The following GNG7 variants were observed in gnomAD, a reference collection of about 807,000 sequenced individuals.
The protein encoded by GNG7 is guanine nucleotide-binding protein G(I)/G(S)/G(O) subunit gamma-7.
Under a neutral mutation model 4.0 loss-of-function variants are expected in GNG7, and 1 was observed. That is an observed-to-expected ratio of 0.25 (90% CI 0.09 to 1.18). The LOEUF is 1.18. GNG7 is among the 50% of genes most tolerant of loss of function. The pLI, the probability that GNG7 is intolerant of heterozygous loss-of-function variation, is 0.50. For synonymous variants in GNG7, 34 were observed against 36.9 expected (o/e 0.92, Z 0.29); for missense variants, 86 against 91.9 (o/e 0.94, Z 0.26).
chr19:2,651,245 TTTCCTTCCTTCCTTCC>T (rs1229197006), intron 1 of GNG7, among the ~76,000 whole-genome samples: 3 of 87,108 alleles, frequency 3.4e-5, no homozygotes, highest in Non-Finnish European at 7.4e-5. Context: ...CCTTCCTTCC[TTTCCTTCCTTCCTTCC>T]TTCCTTCCTT....
At chr19:2,605,610 C>T (rs4806869) in intron 2 of GNG7, among the ~76,000 whole-genome samples, 134,881 of 147,132 alleles carry the variant, frequency 0.92, 62,037 homozygotes, top group African/African-American at 0.98. Context: ...GCCTCCTCAG[C>T]TGAAGTGATT....
intron 2 of GNG7, among the ~76,000 whole-genome samples, chr19:2,627,391 C>T (rs550698913): frequency 1.3e-5 from 2 of 152,224 alleles, no homozygotes; most frequent in Non-Finnish European, 1.5e-5. Context: ...CCAGGGGCAC[C>T]CAGAGTGGGG....
rs1030861411 is a variant in GNG7, at chr19:2,653,495, C to A, written c.-134-7215G>T. ...GCTGGGGGGCCCCCCTGGTTTATAC[C>A]GTCTTCCCCATCAGGAGTTTATCCT... is the stretch of plus-strand genomic sequence containing the variant. On this transcript the variant is annotated intron_variant, in intron 1 of 4. Coordinates refer to ENST00000382159, the MANE Select transcript of GNG7 (RefSeq NM_052847.3). The surrounding 1 kb of genome is among the most constrained non-coding windows in gnomAD (Gnocchi z 4.8). 6.6e-6 allele frequency among the ~76,000 whole-genome samples: 1 copy of A among 152,184 alleles called. No individual in the cohort carries two copies. Among genetic ancestry groups the A allele is most frequent in the Non-Finnish European group, 1.5e-5 (1 of 68,026 alleles).
chr19:2,574,495 G>A (rs1346694873), intron 2 of GNG7, among the ~76,000 whole-genome samples: 1 of 152,184 alleles, frequency 6.6e-6, no homozygotes, highest in Non-Finnish European at 1.5e-5. Flanking sequence ...GTCCTTTTGT[G>A]TCTGGATCCT....
chr19:2,549,438 C>T (rs1478400855), intron 3 of GNG7, among the ~76,000 whole-genome samples: 1 of 151,966 alleles, frequency 6.6e-6, no homozygotes, highest in East Asian at 1.9e-4. Context: ...TTACAGGCGC[C>T]CGCCACCGCA....
At chr19:2,577,675 T>G (rs1450189932) in intron 2 of GNG7, among the ~76,000 whole-genome samples, 2 of 128,256 alleles carry the variant, frequency 1.6e-5, no homozygotes, top group African/African-American at 6.1e-5. Flanking sequence ...CACTCCAGCC[T>G]GGGTGACAGA....
At chr19:2,575,606 C>T (rs373858873) in intron 2 of GNG7, among the ~76,000 whole-genome samples, 32 of 142,084 alleles carry the variant, frequency 2.3e-4, no homozygotes, top group African/African-American at 7.1e-4. Flanking sequence ...CGCAGGCACA[C>T]GCAGGCACAC....
chr19:2,647,257 C>T (rs145020052), intron 1 of GNG7, among the ~76,000 whole-genome samples: 258 of 152,340 alleles, frequency 1.7e-3, no homozygotes, highest in Non-Finnish European at 3.0e-3. Context: ...CCCATAGGAA[C>T]GTGGGTGCTG....
intron 1 of GNG7, among the ~76,000 whole-genome samples, chr19:2,647,725 A>G (rs1293623193): frequency 2.6e-5 from 4 of 151,682 alleles, no homozygotes; most frequent in African/African-American, 9.7e-5. Context: ...CTGAGAAAAA[A>G]TAAAAATAAA....
At chr19:2,554,392 G>A (rs1054130569) in intron 3 of GNG7, among the ~76,000 whole-genome samples, 2 of 149,334 alleles carry the variant, frequency 1.3e-5, no homozygotes, top group Non-Finnish European at 3.0e-5. Flanking sequence ...CACCTAGGCT[G>A]GAGTACAGTG....
rs1353058345 is a variant in GNG7, at chr19:2,634,908, G to A, written c.-78+11316C>T. On this transcript the variant is annotated intron_variant, in intron 2 of 4. Transcript: ENST00000382159. The surrounding 1 kb of genome is among the most constrained non-coding windows in gnomAD (Gnocchi z 5.3). ...TTACCAAAAAAAAAAAACCCTCGCC[G>A]GGAGAACAAGGAGCTACCAGAAAAA... is the stretch of plus-strand genomic sequence containing the variant. 1.3e-5 allele frequency among the ~76,000 whole-genome samples: 2 copies of A among 151,690 alleles called. No individual in the cohort carries two copies. Among genetic ancestry groups the A allele is most frequent in the East Asian group, 3.9e-4 (2 of 5,192 alleles).
intron 4 of GNG7, among the ~76,000 whole-genome samples, chr19:2,519,601 T>TC (rs941506109): frequency 1.3e-5 from 2 of 151,126 alleles, no homozygotes; most frequent in Non-Finnish European, 3.0e-5. Context: ...TGCAAAATTT[T>TC]TTTTTTTTTT....
chr19:2,522,597 A>T (rs1189453057), intron 3 of GNG7, among the ~76,000 whole-genome samples: 2 of 150,956 alleles, frequency 1.3e-5, no homozygotes, highest in Non-Finnish European at 3.0e-5. Context: ...ACACGGTGAA[A>T]CCCCGTCTCC....
intron 3 of GNG7, among the ~76,000 whole-genome samples, chr19:2,554,553 A>G (rs1178288505): frequency 1.6e-5 from 1 of 61,294 alleles, no homozygotes; most frequent in Non-Finnish European, 3.2e-5. Flanking sequence ...CTATATATAT[A>G]TATATATTTT....
intron 2 of GNG7, among the ~76,000 whole-genome samples, chr19:2,598,331 C>A (rs1465867866): frequency 2.0e-5 from 3 of 152,184 alleles, no homozygotes; most frequent in African/African-American, 7.2e-5. Context: ...CGAGACCAGC[C>A]TGGCCAACAT....
rs552775023 is a variant in GNG7, at chr19:2,562,958, T to C, written c.-77-7770A>G. ...TCTTTTTCTTTTTCTTTTTTTTTGT[T>C]TTTTGAGACAGAGTCTCGCTCTGTC... On this transcript the variant is annotated intron_variant, in intron 2 of 4. Transcript: ENST00000382159. 2.6e-5 allele frequency among the ~76,000 whole-genome samples: 4 copies of C among 152,168 alleles called. No individual in the cohort carries two copies. In the South Asian group the frequency reaches 8.3e-4, roughly 32 times the overall value.
intron 1 of GNG7, among the ~76,000 whole-genome samples, chr19:2,696,940 C>T (rs1036986164): frequency 1.3e-5 from 2 of 152,202 alleles, no homozygotes; most frequent in African/African-American, 4.8e-5. Context: ...GCAACCTCCG[C>T]CTCCCAGGTT....
At chr19:2,558,644 G>A (rs1419077632) in intron 2 of GNG7, among the ~76,000 whole-genome samples, 1 of 151,868 alleles carries the variant, frequency 6.6e-6, no homozygotes, top group Non-Finnish European at 1.5e-5. Flanking sequence ...CTGGGATTGT[G>A]GATGATTTTC....
At chr19:2,558,578 C>G (rs751264025) in intron 2 of GNG7, among the ~76,000 whole-genome samples, 1 of 151,962 alleles carries the variant, frequency 6.6e-6, no homozygotes, top group South Asian at 2.1e-4. Context: ...TGTTGTAGAA[C>G]CTCAATTTTT....
Sources: gnomAD v4.1 joint callset for allele counts (sites outside exome capture counted in the v4.1 genomes callset) on GRCh38, gnomAD v4.1.1 for gene constraint, Gnocchi (gnomAD v3.1) non-coding constraint, MANE v1.5 for transcripts, NCBI Gene and HGNC (gene_info 2026-07-23, HGNC 2026-07-21) for gene names.